CYP7B1: variants seen among roughly 807,000 people sequenced by gnomAD.
CYP7B1 encodes cytochrome P450 family 7 subfamily B member 1.
A neutral mutation model predicts 42.7 loss-of-function variants in CYP7B1; 29 were observed. That is an observed-to-expected ratio of 0.68 (90% confidence interval 0.51 to 0.93). The LOEUF (loss-of-function observed/expected upper bound fraction) is 0.93. Among genes scored for constraint, CYP7B1 ranks in the 40% least tolerant of loss-of-function variants. The probability of loss-of-function intolerance (pLI) is 0.00; values close to 1 mark genes in which losing one functional copy is unlikely to be tolerated. For synonymous variants in CYP7B1, 235 were observed against 218.2 expected (o/e 1.08, Z -0.68); for missense variants, 655 against 600.5 (o/e 1.09, Z -0.95).
In CYP7B1 at chr8:64,591,430, G is replaced by C. The variant is rs1805031541; in HGVS notation, c.*5212C>G. On this transcript the variant is annotated 3_prime_UTR_variant, in exon 6 of 6. Transcript: ENST00000310193. ...ATAGGTTAAAAAATGCACATTCTAAGGGCATGTAATTCCTGTTCACATAAT... is the reference window on the plus strand; with the variant it reads ...ATAGGTTAAAAAATGCACATTCTAACGGCATGTAATTCCTGTTCACATAAT... 6.6e-6 allele frequency among the ~76,000 whole-genome samples: 1 copy of C among 152,042 alleles called. No individual in the cohort carries two copies. Among genetic ancestry groups the C allele is most frequent in the African/African-American group, 2.4e-5 (1 of 41,406 alleles).
chr8:64,668,006 A>G (rs1248084341), intron 1 of CYP7B1, among the ~76,000 whole-genome samples: 7 of 152,206 alleles, frequency 4.6e-5, no homozygotes, highest in Admixed American at 4.6e-4. Flanking sequence ...ACAACTGCTT[A>G]ATCTTCCAAA....
chr8:64,677,276 C>T (rs935982985), intron 1 of CYP7B1, among the ~76,000 whole-genome samples: 2 of 151,514 alleles, frequency 1.3e-5, no homozygotes, highest in Non-Finnish European at 2.9e-5. Context: ...ATCAAAAATC[C>T]TACGGAAAAA....
At chr8:64,708,323 C>T (rs1480602066) in intron 1 of CYP7B1, among the ~76,000 whole-genome samples, 1 of 152,096 alleles carries the variant, frequency 6.6e-6, no homozygotes, top group East Asian at 1.9e-4. Context: ...TCACTGAGGC[C>T]ACCAGTTCAC....
chr8:64,777,901 A>G (rs1160338805), intron 1 of CYP7B1, among the ~76,000 whole-genome samples: 1 of 151,908 alleles, frequency 6.6e-6, no homozygotes, highest in Admixed American at 6.6e-5. Context: ...AAAAAATAAA[A>G]TTTTCAAAGA....
At position 64,789,065 on chromosome 8, in the gene CYP7B1, C is replaced by T. The variant is rs551767508; in HGVS notation, c.122+9401G>A. The stretch of plus-strand genomic sequence containing the variant: ...CCTCCCGAGTAGCTGGGATTACAGG[C>T]ACGCACCATCATGCCCAGCTAACGT... On this transcript the variant is annotated intron_variant, in intron 1 of 5. Coordinates refer to ENST00000310193, the MANE Select transcript of CYP7B1 (RefSeq NM_004820.5). 1.5e-4 allele frequency among the ~76,000 whole-genome samples: 23 copies of T among 152,208 alleles called. No homozygotes were observed. In the South Asian group the frequency reaches 4.2e-3, roughly 28 times the overall value.
At chr8:64,725,711 A>C (rs1409439727) in intron 1 of CYP7B1, among the ~76,000 whole-genome samples, 1 of 152,224 alleles carries the variant, frequency 6.6e-6, no homozygotes, top group Non-Finnish European at 1.5e-5. Flanking sequence ...CAGGGAGGGA[A>C]GACTGACACA....
chr8:64,656,683 C>A (rs1479045007), intron 1 of CYP7B1, among the ~76,000 whole-genome samples: 1 of 152,176 alleles, frequency 6.6e-6, no homozygotes, highest in East Asian at 1.9e-4. Flanking sequence ...TTTTAAAAAA[C>A]AATTCATTGA....
intron 1 of CYP7B1, among the ~76,000 whole-genome samples, chr8:64,649,738 T>A (rs1011128404): frequency 2.0e-5 from 3 of 152,246 alleles, no homozygotes; most frequent in Non-Finnish European, 4.4e-5. Flanking sequence ...TCTGTTGTTT[T>A]GATAGTGACC....
At chr8:64,632,937 G>C (rs566670574) in intron 1 of CYP7B1, among the ~76,000 whole-genome samples, 1 of 152,198 alleles carries the variant, frequency 6.6e-6, no homozygotes, top group South Asian at 2.1e-4. Flanking sequence ...GAAAGGAAGG[G>C]GGGCGGGGAG....
chr8:64,678,204 A>T (rs1262296084), intron 1 of CYP7B1, among the ~76,000 whole-genome samples: 1 of 152,078 alleles, frequency 6.6e-6, no homozygotes, highest in East Asian at 1.9e-4. Context: ...TCAATGCTCA[A>T]ATTCCTGCTT....
intron 1 of CYP7B1, 108 bp from the exon 2 acceptor site, chr8:64,624,647 A>C: frequency 2.4e-6 from 3 of 1,262,910 alleles, no homozygotes; most frequent in Middle Eastern, 2.4e-4. Flanking sequence ...CATGGATTGC[A>C]CTGCTTCTTT....
intron 5 of CYP7B1, among the ~76,000 whole-genome samples, chr8:64,598,902 T>C (rs953666888): frequency 3.3e-5 from 5 of 152,228 alleles, no homozygotes; most frequent in Non-Finnish European, 2.9e-5. Flanking sequence ...CAACACCAAG[T>C]TCAAAGGGTG....
intron 1 of CYP7B1, among the ~76,000 whole-genome samples, chr8:64,647,449 G>T (rs145524836): frequency 2.6e-4 from 39 of 152,250 alleles, no homozygotes; most frequent in African/African-American, 9.1e-4. Flanking sequence ...ATGTATAAAA[G>T]ATGCAATATT....
At chr8:64,767,693 G>C (rs1190851888) in intron 1 of CYP7B1, among the ~76,000 whole-genome samples, 3 of 152,196 alleles carry the variant, frequency 2.0e-5, no homozygotes, top group Non-Finnish European at 4.4e-5. Context: ...GGCCTGTGAA[G>C]TATGCCAAAG....
chr8:64,624,292 A>C (rs1239519128), intron 2 of CYP7B1, 111 bp downstream of exon 2: 2 of 1,070,582 alleles, frequency 1.9e-6, no homozygotes, highest in Non-Finnish European at 2.7e-6. Context: ...CTACAAAATA[A>C]AATAAAAATA....
At chr8:64,780,523 T>TA (rs1164629479) in intron 1 of CYP7B1, among the ~76,000 whole-genome samples, 8 of 151,590 alleles carry the variant, frequency 5.3e-5, no homozygotes, top group Non-Finnish European at 7.4e-5. Context: ...CTTTCCTATA[T>TA]AAAAAAAAGA....
chr8:64,744,996 A>G (rs2129633355), intron 1 of CYP7B1, among the ~76,000 whole-genome samples: 1 of 152,324 alleles, frequency 6.6e-6, no homozygotes, highest in East Asian at 1.9e-4. Context: ...TATTAAATAT[A>G]AACACATATG....
intron 1 of CYP7B1, among the ~76,000 whole-genome samples, chr8:64,643,750 T>C (rs1383294977): frequency 2.0e-5 from 3 of 152,222 alleles, no homozygotes; most frequent in Non-Finnish European, 4.4e-5. Flanking sequence ...AAATCCTTTT[T>C]TGTAATTTCA....
At chr8:64,629,226 C>CAA (rs10717028) in intron 1 of CYP7B1, among the ~76,000 whole-genome samples, 44 of 72,512 alleles carry the variant, frequency 6.1e-4, no homozygotes, top group African/African-American at 2.1e-3. Flanking sequence ...GAATCCATCT[C>CAA]AAAAAAAAAA....
Sources: allele counts gnomAD v4.1 joint callset (sites outside exome capture counted in the v4.1 genomes callset), GRCh38; gene constraint gnomAD v4.1.1; transcripts MANE v1.5; gene names NCBI Gene and HGNC (gene_info 2026-07-23, HGNC 2026-07-21).